CEP112: variants seen among roughly 807,000 people sequenced by gnomAD.
CEP112 encodes centrosomal protein 112.
Under a neutral mutation model 153.0 loss-of-function variants are expected in CEP112, and 127 were observed. The ratio of observed to expected loss-of-function variants is 0.83; its 90% CI spans 0.72 to 0.96. The LOEUF is 0.96. Among genes scored for constraint, CEP112 ranks in the 40% least tolerant of loss-of-function variants. CEP112 has a pLI of 0.00. For synonymous variants in CEP112, 358 were observed against 374.4 expected, an observed-to-expected ratio of 0.96 and a Z score of 0.51; for missense variants, 1,089 against 1,101.2, an observed-to-expected ratio of 0.99 and a Z score of 0.16.
At chr17:66,169,031 T>A (rs566535209) in intron 4 of CEP112, among the ~76,000 whole-genome samples, 34 of 152,288 alleles carry the variant, frequency 2.2e-4, no homozygotes, top group African/African-American at 7.9e-4. Flanking sequence ...GTATAATGTC[T>A]GATTAAAACA....
At position 65,716,168 on chromosome 17, in the gene CEP112, G is replaced by T. The variant is rs200999721; in HGVS notation, c.2607+26900C>A. Among the ~76,000 whole-genome samples the T allele has an allele frequency of 4.5e-3, 655 of 146,874 alleles. 5 individuals carry two copies. The highest frequency in any genetic ancestry group is 0.015 in the African/African-American group (607 of 39,622). ...CTTTTTCTTTCTTTGTTTTTTTTTT[G>T]TTTTTTGAGACAGAGCCTCGCTCTG... is the stretch of plus-strand genomic sequence containing the variant. On this transcript the variant is annotated intron_variant, in intron 23 of 26. Coordinates refer to ENST00000535342, the MANE Select transcript of CEP112 (RefSeq NM_001199165.4).
At chr17:66,157,173 G>T (rs941841977) in intron 4 of CEP112, among the ~76,000 whole-genome samples, 6 of 152,146 alleles carry the variant, frequency 3.9e-5, no homozygotes, top group African/African-American at 1.4e-4. Context: ...GACTAACATC[G>T]GATCTCTTGG....
chr17:65,823,604 T>C (rs965172306), intron 21 of CEP112, among the ~76,000 whole-genome samples: 4 of 152,162 alleles, frequency 2.6e-5, no homozygotes, highest in African/African-American at 9.6e-5. Context: ...CAGGCAAAGA[T>C]TTTTTATACA....
intron 20 of CEP112, among the ~76,000 whole-genome samples, chr17:65,879,284 G>A (rs974459952): frequency 6.6e-6 from 1 of 152,168 alleles, no homozygotes; most frequent in African/African-American, 2.4e-5. Context: ...AAGAGGACAG[G>A]TGACATGACA....
chr17:65,653,257 T>C (rs1271230659), intron 24 of CEP112, among the ~76,000 whole-genome samples: 1 of 152,238 alleles, frequency 6.6e-6, no homozygotes, highest in African/African-American at 2.4e-5. Context: ...CATTGCTTTA[T>C]TGTAAATGAC....
At chr17:65,756,609 G>A (rs994739126) in intron 21 of CEP112, among the ~76,000 whole-genome samples, 6 of 151,986 alleles carry the variant, frequency 3.9e-5, no homozygotes, top group Non-Finnish European at 2.9e-5. Flanking sequence ...GTTGTAGTGG[G>A]AGACATGAAA....
At chr17:65,757,761 C>T (rs1453710753) in intron 21 of CEP112, among the ~76,000 whole-genome samples, 1 of 152,174 alleles carries the variant, frequency 6.6e-6, no homozygotes, top group Non-Finnish European at 1.5e-5. Flanking sequence ...TCTGGTTTAT[C>T]ATGGTTGAAA....
In CEP112 at chr17:65,669,952, A is replaced by G. The variant is rs772177180; in HGVS notation, c.2697+19177T>C. Among the ~76,000 whole-genome samples the G allele has an allele frequency of 5.9e-5, 9 of 151,914 alleles. 1 individual carries two copies. In the South Asian group the frequency reaches 6.2e-4, roughly 11 times the overall value. ...AAAATAGAATTATGCTGGGGTAAGA[A>G]GTCAATGCAAATTAACCTTGGGAAT... On this transcript the variant is annotated intron_variant, in intron 24 of 26. Transcript: ENST00000535342.
chr17:65,903,579 C>G (rs550623947), intron 19 of CEP112, among the ~76,000 whole-genome samples: 2 of 152,018 alleles, frequency 1.3e-5, no homozygotes, highest in African/African-American at 4.8e-5. Context: ...TTCCAAACAG[C>G]GGAAAAAGTG....
intron 18 of CEP112, among the ~76,000 whole-genome samples, chr17:65,942,954 T>C (rs2061547832): frequency 6.6e-6 from 1 of 152,156 alleles, no homozygotes; most frequent in Non-Finnish European, 1.5e-5. Flanking sequence ...ATATATTTTG[T>C]TGTATTTAAT....
At chr17:65,735,137 T>C (rs2050726173) in intron 23 of CEP112, among the ~76,000 whole-genome samples, 1 of 152,194 alleles carries the variant, frequency 6.6e-6, no homozygotes, top group South Asian at 2.1e-4. Flanking sequence ...AGTGGTGGTA[T>C]TAGTTTTCCA....
chr17:65,874,132 A>C (rs2058748415), intron 20 of CEP112, among the ~76,000 whole-genome samples: 1 of 152,150 alleles, frequency 6.6e-6, no homozygotes, highest in Non-Finnish European at 1.5e-5. Flanking sequence ...CTTTATAAAT[A>C]TGTAGGTATT....
Position 66,175,129 on chromosome 17 carries a change from T to C in CEP112, c.385A>G (p.Thr129Ala), listed in dbSNP as rs1372380285. 6.2e-7 allele frequency: 1 copy of C among 1,613,528 alleles called. No individual in the cohort carries two copies. Among genetic ancestry groups the C allele is most frequent in the Non-Finnish European group, 8.5e-7 (1 of 1,179,760 alleles). ...GATTCATTTAATTTGTGTTCACTTG[T>C]CTCCAGCTCACCCAGTACCCAGGCT... ...LPAWVLGELE[T>A]SEHKLNESWK... The change falls in exon 4 of 27, where the codon ACA becomes GCA. Residue 129 changes from threonine (T) to alanine (A), a missense_variant. Coordinates refer to ENST00000535342, the MANE Select transcript of CEP112 (RefSeq NM_001199165.4).
At chr17:66,164,920 GTATA>G (rs762279973) in intron 4 of CEP112, among the ~76,000 whole-genome samples, 43 of 130,010 alleles carry the variant, frequency 3.3e-4, no homozygotes, top group African/African-American at 1.3e-3. Flanking sequence ...GTGTGTGTGT[GTATA>G]TTTATTTATA....
intron 21 of CEP112, among the ~76,000 whole-genome samples, chr17:65,821,540 A>ATATAT (rs1568067713): frequency 1.5e-4 from 5 of 33,632 alleles, no homozygotes; most frequent in Non-Finnish European, 1.9e-4. Context: ...ATATATATAT[A>ATATAT]TTTTTTTTTT....
intron 4 of CEP112, among the ~76,000 whole-genome samples, chr17:66,173,196 C>T (rs2146851239): frequency 6.6e-6 from 1 of 152,266 alleles, no homozygotes; most frequent in East Asian, 1.9e-4. Flanking sequence ...AGCTCAATAA[C>T]AGATGCAATA....
intron 6 of CEP112, among the ~76,000 whole-genome samples, chr17:66,117,030 C>T (rs1032693230): frequency 2.6e-5 from 4 of 151,894 alleles, no homozygotes; most frequent in African/African-American, 9.7e-5. Flanking sequence ...CCATGCCTAG[C>T]TAATTTTTGT....
intron 4 of CEP112, among the ~76,000 whole-genome samples, chr17:66,137,449 C>T (rs2070486716): frequency 6.6e-6 from 1 of 151,884 alleles, no homozygotes; most frequent in Admixed American, 6.6e-5. Flanking sequence ...GAAAAATGGA[C>T]ATCCAGATTT....
At chr17:65,928,972 C>T (rs1283487352) in intron 18 of CEP112, among the ~76,000 whole-genome samples, 1 of 152,176 alleles carries the variant, frequency 6.6e-6, no homozygotes, top group Non-Finnish European at 1.5e-5. Context: ...CTGTAGGATT[C>T]CATTTATATT....
Sources: allele counts gnomAD v4.1 joint callset (sites outside exome capture counted in the v4.1 genomes callset), GRCh38; gene constraint gnomAD v4.1.1; transcripts MANE v1.5; gene names NCBI Gene and HGNC (gene_info 2026-07-23, HGNC 2026-07-21).